The following STPG2 variants were observed in gnomAD, a reference collection of about 807,000 sequenced individuals.
STPG2 encodes sperm tail PG-rich repeat containing 2.
STPG2 carries 56 observed loss-of-function variants against 54.2 expected under a neutral mutation model. The observed-to-expected ratio is 1.03, with a 90% confidence interval of 0.83 to 1.29. The LOEUF is 1.29. Among genes scored for constraint, STPG2 ranks in the 50% most tolerant of loss-of-function variants. The pLI, the probability that STPG2 is intolerant of heterozygous loss-of-function variation, is 0.00. For missense variants in STPG2, 596 were observed against 544.9 expected, an observed-to-expected ratio of 1.09 and a Z score of -0.93; for synonymous variants, 200 against 181.8, an observed-to-expected ratio of 1.10 and a Z score of -0.81.
At chr4:98,006,522 A>G (rs1438423699) in intron 5 of STPG2, among the ~76,000 whole-genome samples, 2 of 152,210 alleles carry the variant, frequency 1.3e-5, no homozygotes. Flanking sequence ...TTAGCAACCT[A>G]GCAGCAGCAA....
At chr4:97,809,742 C>T (rs768713731) in intron 9 of STPG2, among the ~76,000 whole-genome samples, 2 of 152,108 alleles carry the variant, frequency 1.3e-5, no homozygotes, top group Non-Finnish European at 2.9e-5. Context: ...CTAGAACCTA[C>T]AGATAAGAAC....
intron 7 of STPG2, among the ~76,000 whole-genome samples, chr4:97,968,155 C>T (rs1214929356): frequency 6.6e-6 from 1 of 152,026 alleles, no homozygotes; most frequent in Non-Finnish European, 1.5e-5. Flanking sequence ...CAAATAGATG[C>T]AATAAAAAAT....
intron 5 of STPG2, among the ~76,000 whole-genome samples, chr4:97,989,033 T>C (rs1189348677): frequency 6.6e-6 from 1 of 152,234 alleles, no homozygotes. Context: ...AAGTATCTTT[T>C]ATTTTAAATA....
intron 4 of STPG2, among the ~76,000 whole-genome samples, chr4:97,549,727 A>C (rs1271985201): frequency 6.6e-6 from 1 of 152,190 alleles, no homozygotes; most frequent in East Asian, 1.9e-4. Context: ...GGAAGCAGAG[A>C]CTGGAGTTAT....
intron 5 of STPG2, among the ~76,000 whole-genome samples, chr4:98,019,969 A>G (rs1372716143): frequency 8.2e-6 from 1 of 122,010 alleles, no homozygotes; most frequent in East Asian, 2.2e-4. Context: ...GCAAACAGGG[A>G]CAATTTGACT....
In STPG2 at chr4:97,918,564, T is replaced by C. The variant is rs554879258; in HGVS notation, c.1044+25333A>G. Among the ~76,000 whole-genome samples the C allele has an allele frequency of 9.2e-5, 14 of 152,112 alleles. No homozygotes were observed. In the South Asian group the frequency reaches 1.5e-3, roughly 16 times the overall value. On this transcript the variant is annotated intron_variant, in intron 8 of 10. Transcript: ENST00000295268. Reference sequence around the variant, plus strand: ...TTTCACCAGGAAATAAATAAATATATATGTGTATGTGTATATGTATACACA... The same window carrying C: ...TTTCACCAGGAAATAAATAAATATACATGTGTATGTGTATATGTATACACA...
intron 8 of STPG2, among the ~76,000 whole-genome samples, chr4:97,905,562 A>C (rs1387577478): frequency 2.0e-5 from 3 of 152,164 alleles, no homozygotes; most frequent in East Asian, 1.9e-4. Context: ...CGAGCAAAAT[A>C]ACCAGTTAAC....
chr4:98,033,862 C>A (rs1736683085), intron 5 of STPG2, among the ~76,000 whole-genome samples: 1 of 152,170 alleles, frequency 6.6e-6, no homozygotes, highest in Admixed American at 6.5e-5. Flanking sequence ...ACATGATTAT[C>A]TCAATAGATG....
intron 9 of STPG2, among the ~76,000 whole-genome samples, chr4:97,834,045 A>C (rs1047385347): frequency 6.6e-6 from 1 of 152,196 alleles, no homozygotes; most frequent in Middle Eastern, 3.2e-3. Context: ...TCTACTATAA[A>C]GACACATGCA....
Position 97,883,256 on chromosome 4 carries a change from T to C in STPG2, c.1045-42324A>G, listed in dbSNP as rs112759119. Among the ~76,000 whole-genome samples, 865 of 151,938 alleles carry C rather than the reference T, an allele frequency of 5.7e-3. 5 individuals are homozygous for C. Among genetic ancestry groups the C allele is most frequent in the Middle Eastern group, 0.02 (6 of 294 alleles). ...TTTTTTAATTAACTGGCCTTGTTGGTGTGCTCCTGTAGTCCCAGCTACTCG... is the reference window on the plus strand; with the variant it reads ...TTTTTTAATTAACTGGCCTTGTTGGCGTGCTCCTGTAGTCCCAGCTACTCG... On this transcript the variant is annotated intron_variant, in intron 8 of 10. Coordinates refer to ENST00000295268, the MANE Select transcript of STPG2 (RefSeq NM_174952.3).
chr4:98,100,298 T>G (rs754874093), intron 5 of STPG2, among the ~76,000 whole-genome samples: 25 of 152,172 alleles, frequency 1.6e-4, no homozygotes, highest in Non-Finnish European at 2.5e-4. Context: ...AAGATATTTG[T>G]CCTCTAAGAA....
At chr4:97,591,023 A>AATATTT (rs1314274650) in intron 10 of STPG2, among the ~76,000 whole-genome samples, 2 of 152,168 alleles carry the variant, frequency 1.3e-5, no homozygotes, top group Non-Finnish European at 2.9e-5. Flanking sequence ...TTGCTTCTGG[A>AATATTT]ATATTTATTT....
chr4:97,452,172 C>T (rs1190844030), intron 4 of STPG2, among the ~76,000 whole-genome samples: 2 of 141,030 alleles, frequency 1.4e-5, no homozygotes, highest in African/African-American at 2.6e-5. Context: ...TATCCAAACC[C>T]TGGCTGCAGA....
Position 97,774,275 on chromosome 4 carries a change from T to C in STPG2, c.1205-61461A>G, listed in dbSNP as rs1271649367. Reference sequence around the variant, plus strand: ...CTACCCTTTTGAGTTTTAAGTAAATTTGGCATAAAACCATATTTCACAATG... The same window carrying C: ...CTACCCTTTTGAGTTTTAAGTAAATCTGGCATAAAACCATATTTCACAATG... On this transcript the variant is annotated intron_variant, in intron 9 of 10. Coordinates refer to ENST00000295268, the MANE Select transcript of STPG2 (RefSeq NM_174952.3). Among the ~76,000 whole-genome samples, 4 of 152,290 alleles carry C rather than the reference T, an allele frequency of 2.6e-5. No homozygotes were observed. The East Asian group carries it at 7.7e-4, about 29-fold the overall frequency.
intron 4 of STPG2, among the ~76,000 whole-genome samples, chr4:97,478,550 G>A (rs1306906334): frequency 2.0e-5 from 3 of 151,964 alleles, no homozygotes; most frequent in African/African-American, 7.2e-5. Context: ...ATTTTGTCCT[G>A]AATCTTAAAT....
chr4:98,097,244 C>T (rs1210289625), intron 5 of STPG2, among the ~76,000 whole-genome samples: 2 of 152,008 alleles, frequency 1.3e-5, no homozygotes, highest in Admixed American at 1.3e-4. Flanking sequence ...TACTAGCAAA[C>T]CATATTCAGC....
chr4:97,878,576 A>T (rs1383632743), intron 8 of STPG2, among the ~76,000 whole-genome samples: 1 of 152,160 alleles, frequency 6.6e-6, no homozygotes, highest in African/African-American at 2.4e-5. Context: ...GCTCCATTTT[A>T]GCCATGGCTA....
At chr4:97,737,837 T>C (rs1725066444) in intron 9 of STPG2, among the ~76,000 whole-genome samples, 2 of 152,062 alleles carry the variant, frequency 1.3e-5, no homozygotes, top group South Asian at 4.1e-4. Context: ...CAGGCCAACA[T>C]TCAGATTCAG....
intron 9 of STPG2, among the ~76,000 whole-genome samples, chr4:97,821,414 C>T (rs1053589547): frequency 6.6e-6 from 1 of 152,180 alleles, no homozygotes; most frequent in Non-Finnish European, 1.5e-5. Context: ...GAGTTCAGTG[C>T]CTGCAGCTTT....
Sources: allele counts gnomAD v4.1 joint callset (sites outside exome capture counted in the v4.1 genomes callset), GRCh38; gene constraint gnomAD v4.1.1; transcripts MANE v1.5; gene names NCBI Gene and HGNC (gene_info 2026-07-23, HGNC 2026-07-21).